Variants in SCAPER observed in about 807,000 individuals in gnomAD.
SCAPER encodes S phase cyclin A-associated protein in the endoplasmic reticulum.
Under a neutral mutation model 182.2 loss-of-function variants are expected in SCAPER, and 98 were observed. The ratio of observed to expected loss-of-function variants is 0.54; its 90% CI spans 0.46 to 0.64. The LOEUF is 0.64. Among genes scored for constraint, SCAPER ranks in the 30% least tolerant of loss-of-function variants. The pLI is 0.00. For missense variants in SCAPER, 1,432 were observed against 1,690.0 expected (o/e 0.85, Z 2.68); for synonymous variants, 605 against 564.6 (o/e 1.07, Z -1.01).
chr15:76,611,453 A>G (rs2050982405), intron 22 of SCAPER, among the ~76,000 whole-genome samples: 1 of 152,178 alleles, frequency 6.6e-6, no homozygotes, highest in Non-Finnish European at 1.5e-5. Context: ...CCACCCAAAA[A>G]AAAGCCCAGG....
chr15:76,580,009 C>T (rs535878905), intron 22 of SCAPER, among the ~76,000 whole-genome samples: 2 of 152,174 alleles, frequency 1.3e-5, no homozygotes, highest in South Asian at 4.2e-4. Flanking sequence ...TATTGGAGCA[C>T]ACAGATATGT....
chr15:76,438,843 A>G (rs1252142627), intron 25 of SCAPER, among the ~76,000 whole-genome samples: 1 of 152,094 alleles, frequency 6.6e-6, no homozygotes, highest in Non-Finnish European at 1.5e-5. Context: ...TGGCCCTTTC[A>G]TTGTTAAAAA....
At chr15:76,495,437 G>A (rs375161412) in intron 24 of SCAPER, among the ~76,000 whole-genome samples, 1 of 152,012 alleles carries the variant, frequency 6.6e-6, no homozygotes, top group African/African-American at 2.4e-5. Flanking sequence ...AATTACCCGG[G>A]CATGGTGGCA....
chr15:76,478,302 A>G (rs2050822540), intron 24 of SCAPER, among the ~76,000 whole-genome samples: 1 of 152,076 alleles, frequency 6.6e-6, no homozygotes, highest in Non-Finnish European at 1.5e-5. Context: ...CATTATAAAT[A>G]TGACAAATGG....
chr15:76,665,637 A>G lies in SCAPER; in HGVS notation c.2645+16T>C. 3.8e-6 allele frequency: 6 copies of G among 1,568,272 alleles called. 1 individual carries two copies. The South Asian group carries it at 7.4e-5, about 19-fold the overall frequency. ...ACTAAAAGTTTTTCTTTTGCTTTTA[A>G]GGGTATTTAAGGTACCTGAAGTTCA... On this transcript the variant is annotated intron_variant, in intron 21 of 31. Coordinates refer to ENST00000563290, the MANE Select transcript of SCAPER (RefSeq NM_020843.4).
chr15:76,626,631 C>T (rs2052599886), intron 21 of SCAPER, among the ~76,000 whole-genome samples: 2 of 152,188 alleles, frequency 1.3e-5, no homozygotes, highest in South Asian at 2.1e-4. Flanking sequence ...GCATGAGAAT[C>T]GCTTGAACCT....
rs559159624 is a variant in SCAPER at position 76,733,756 on chromosome 15, A to AAAAG, written c.1867-376_1867-373dup. ...GTGACAGAACAAGACTCCATATCAA[A>AAAAG]AAAGAAAGAAAGAAAGAAAGAAATC... On this transcript the variant is annotated intron_variant, in intron 15 of 31. Transcript: ENST00000563290. Among the ~76,000 whole-genome samples, 1,068 of 152,146 alleles carry AAAAG rather than the reference A, an allele frequency of 7.0e-3. 13 individuals are homozygous for AAAAG. Among genetic ancestry groups the AAAAG allele is most frequent in the African/African-American group, 0.023 (947 of 41,486 alleles).
Position 76,862,518 on chromosome 15 carries a change from A to G in SCAPER, c.22T>C (p.Ser8Pro), listed in dbSNP as rs747979995. 1 of 1,611,222 alleles carries G rather than the reference A, an allele frequency of 6.2e-7. No homozygotes were observed. Among genetic ancestry groups the G allele is most frequent in the Non-Finnish European group, 8.5e-7 (1 of 1,178,018 alleles). Residue 8 changes from serine to proline, a missense_variant, in exon 3 of 32, where the codon TCC (serine) becomes CCC (proline). Physicochemically the swap from Ser to Pro is moderately conservative, Grantham distance 74 (BLOSUM62 -1). Transcript: ENST00000563290. ...CTCCTTACTTTGTCATGACTATTGG[A>G]GCGCTGGAATGAAGCCTATGTATGG... MMASFQR[S>P]NSHDKVRRIV...
chr15:76,652,073 C>A (rs1175118196), intron 21 of SCAPER, among the ~76,000 whole-genome samples: 3 of 149,524 alleles, frequency 2.0e-5, no homozygotes, highest in Non-Finnish European at 1.5e-5. Context: ...AAATCCAACA[C>A]CCCTTCATGA....
At chr15:76,805,076 T>C (rs2151535326) in intron 5 of SCAPER, among the ~76,000 whole-genome samples, 1 of 152,310 alleles carries the variant, frequency 6.6e-6, no homozygotes, top group African/African-American at 2.4e-5. Context: ...TAACAATGTT[T>C]TTCAAGGTTC....
At position 76,569,496 on chromosome 15, in the gene SCAPER, A is replaced by G. The variant is rs549947654; in HGVS notation, c.2838+4662T>C. 1.8e-4 allele frequency among the ~76,000 whole-genome samples: 27 copies of G among 152,228 alleles called. No homozygotes were observed. In the East Asian group the frequency reaches 5.2e-3, roughly 29 times the overall value. On this transcript the variant is annotated intron_variant, in intron 23 of 31. Coordinates refer to ENST00000563290, the MANE Select transcript of SCAPER (RefSeq NM_020843.4). ...ATGAATGAGATTGGTTTATAATTTT[A>G]CTTTCTATAGTTTCACTGTGACGTT...
chr15:76,532,054 T>TATA (rs1194208738), intron 23 of SCAPER, among the ~76,000 whole-genome samples: 1 of 152,218 alleles, frequency 6.6e-6, no homozygotes, highest in Non-Finnish European at 1.5e-5. Flanking sequence ...AGACTTTATA[T>TATA]ATTTTTTCCC....
intron 26 of SCAPER, among the ~76,000 whole-genome samples, chr15:76,431,704 A>AAAAAAAAAAAAAAAAAAC (rs61401621): frequency 7.8e-6 from 1 of 127,514 alleles, no homozygotes; most frequent in Non-Finnish European, 1.8e-5. Flanking sequence ...AAAAAAAAAA[A>AAAAAAAAAAAAAAAAAAC]TGCTTTGTTT....
At chr15:76,609,179 C>T (rs890778912) in intron 22 of SCAPER, among the ~76,000 whole-genome samples, 2 of 152,056 alleles carry the variant, frequency 1.3e-5, no homozygotes, top group African/African-American at 4.8e-5. Flanking sequence ...CCTGGCATTT[C>T]TTTTTTATTG....
At chr15:76,642,657 C>G (rs529560481) in intron 21 of SCAPER, among the ~76,000 whole-genome samples, 88 of 152,266 alleles carry the variant, frequency 5.8e-4, no homozygotes, top group Non-Finnish European at 1.1e-3. Flanking sequence ...TGACCCATTT[C>G]CTGATGTTAT....
chr15:76,363,058 C>T (rs2041559129), intron 29 of SCAPER, among the ~76,000 whole-genome samples: 1 of 152,126 alleles, frequency 6.6e-6, no homozygotes. Flanking sequence ...TGCCACAGAC[C>T]AGAAGACAGA....
At chr15:76,482,910 T>TCAG (rs2051266044) in intron 24 of SCAPER, among the ~76,000 whole-genome samples, 1 of 152,120 alleles carries the variant, frequency 6.6e-6, no homozygotes. Context: ...GACTCAATAA[T>TCAG]GTTAAGATGT....
At chr15:76,641,541 A>C (rs2054105506) in intron 21 of SCAPER, among the ~76,000 whole-genome samples, 1 of 152,146 alleles carries the variant, frequency 6.6e-6, no homozygotes, top group South Asian at 2.1e-4. Flanking sequence ...GCCTGGGAAC[A>C]AAGAGAGAGC....
intron 22 of SCAPER, among the ~76,000 whole-genome samples, chr15:76,616,847 A>G (rs1164659570): frequency 4.6e-5 from 7 of 152,180 alleles, no homozygotes; most frequent in South Asian, 2.1e-4. Context: ...CTGTATCAAA[A>G]TTACAAGTTT....
Sources: allele counts gnomAD v4.1 joint callset (sites outside exome capture counted in the v4.1 genomes callset), GRCh38; gene constraint gnomAD v4.1.1; transcripts MANE v1.5; gene names NCBI Gene and HGNC (gene_info 2026-07-23, HGNC 2026-07-21).